Variants in ZNF728 observed in about 807,000 individuals in gnomAD.
The protein encoded by ZNF728 is zinc finger protein 728.
In ZNF728, 12 loss-of-function variants were observed where a neutral mutation model predicts 12.5. The ratio of observed to expected loss-of-function variants is 0.96; its 90% CI spans 0.61 to 1.55. The LOEUF is 1.55. Among genes scored for constraint, ZNF728 ranks in the 40% most tolerant of loss-of-function variants. The pLI is 0.00. For synonymous variants in ZNF728, 205 were observed against 240.7 expected (o/e 0.85, Z 1.37); for missense variants, 692 against 719.2 (o/e 0.96, Z 0.43).
intron 3 of ZNF728, among the ~76,000 whole-genome samples, chr19:22,979,820 G>A (rs975882047): frequency 6.6e-6 from 1 of 152,090 alleles, no homozygotes; most frequent in Non-Finnish European, 1.5e-5. Flanking sequence ...CTGAGATTTT[G>A]TCACCAGCAG....
At position 22,983,010 on chromosome 19, in the gene ZNF728, G is replaced by A. The variant is rs147573692; in HGVS notation, c.226+4298C>T. The stretch of plus-strand genomic sequence containing the variant: ...GGCAGCAAAAGCCAAATTGACAAAC[G>A]GGACCTAATTAAACTAAAGAGCTTC... On this transcript the variant is annotated intron_variant, in intron 3 of 3. Coordinates refer to ENST00000594710, the MANE Select transcript of ZNF728 (RefSeq NM_001267716.2). Among the ~76,000 whole-genome samples, 88 of 152,068 alleles carry A rather than the reference G, an allele frequency of 5.8e-4. 1 individual carries two copies. The highest frequency in any genetic ancestry group is 2.0e-3 in the African/African-American group (81 of 41,506).
chr19:22,981,746 T>A (rs552018907), intron 3 of ZNF728, among the ~76,000 whole-genome samples: 2 of 152,198 alleles, frequency 1.3e-5, no homozygotes, highest in South Asian at 4.2e-4. Context: ...ATAAACGTAA[T>A]CCATCACATA....
At position 22,976,595 on chromosome 19, in the gene ZNF728, C is replaced by A. The variant is rs144080172; in HGVS notation, c.742G>T (p.Val248Leu). 37 of 1,608,638 alleles carry A rather than the reference C, an allele frequency of 2.3e-5. No homozygotes were observed. In the East Asian group the frequency reaches 4.0e-4, roughly 18 times the overall value. ...SKFSILTKHK[V>L]IHTGEKHYKC... ...TAATGTTTCTCTCCAGTATGAATTA[C>A]CTTATGCTTAGTAAGGATTGAGAAC... Residue 248 changes from valine (V) to leucine (L), a missense_variant, in exon 4 of 4, where the codon GTA becomes TTA. Around this residue, in one of 3 missense-constraint regions of ZNF728, gnomAD observed 440 missense variants for 459.6 expected, o/e 0.96. Transcript: ENST00000594710.
chr19:22,978,710 G>A (rs1968831288), intron 3 of ZNF728, among the ~76,000 whole-genome samples: 2 of 152,280 alleles, frequency 1.3e-5, no homozygotes, highest in South Asian at 4.1e-4. Context: ...TGATACCCAG[G>A]AAAACAGGGT....
intron 3 of ZNF728, among the ~76,000 whole-genome samples, chr19:22,980,640 T>C (rs1041752517): frequency 1.3e-5 from 2 of 151,982 alleles, no homozygotes; most frequent in Non-Finnish European, 2.9e-5. Context: ...AGTAAAACAC[T>C]CCTCAGCAAA....
At chr19:22,988,276 AT>A (rs1968940630) in intron 2 of ZNF728, 48 bp downstream of exon 2, 1 of 1,612,366 alleles carries the variant, frequency 6.2e-7, no homozygotes, top group South Asian at 1.1e-5. Context: ...CCACAGCAAA[AT>A]GAAACCTATA....
chr19:22,997,202 A>G (rs1299354196), intron 1 of ZNF728, among the ~76,000 whole-genome samples: 1 of 152,162 alleles, frequency 6.6e-6, no homozygotes, highest in Non-Finnish European at 1.5e-5. Context: ...CATAATATAC[A>G]TTCTTCTCAT....
chr19:22,998,298 T>C (rs114994991), intron 1 of ZNF728, among the ~76,000 whole-genome samples: 2,290 of 137,998 alleles, frequency 0.017, 56 homozygotes, highest in African/African-American at 0.055. Flanking sequence ...GCCAGGTGGA[T>C]TGCCTGAGCT....
chr19:22,990,433 C>T lies in ZNF728; in HGVS notation c.4-1982G>A, dbSNP rs1042982029. Among the ~76,000 whole-genome samples, 3 of 152,174 alleles carry T rather than the reference C, an allele frequency of 2.0e-5. No individual in the cohort carries two copies. The South Asian group carries it at 6.2e-4, about 32-fold the overall frequency. ...AGGCAGAAGGACCAAGACAGAAAAA[C>T]TCCACCCAATTCTGTCCTTTATAGC... On this transcript the variant is annotated intron_variant, in intron 1 of 3. Coordinates refer to ENST00000594710, the MANE Select transcript of ZNF728 (RefSeq NM_001267716.2).
In ZNF728 at chr19:22,976,822, A is replaced by C. The variant is rs1968808865; in HGVS notation, c.515T>G (p.Leu172Arg). ...RHKIRHTGKKLLKCKEYVRSF... is the reference protein window; with the variant it reads ...RHKIRHTGKKRLKCKEYVRSF... ...TCTGACATATTCTTTACATTTCAAA[A>C]GTTTCTTTCCAGTATGCCTTATCTT... The change falls in exon 4 of 4, where the codon CTT becomes CGT. Residue 172 changes from leucine to arginine, a missense_variant. By Grantham distance (102) the Leu-to-Arg change is moderately radical. Around this residue, in one of 3 missense-constraint regions of ZNF728, gnomAD observed 440 missense variants for 459.6 expected, o/e 0.96. Transcript: ENST00000594710. 3 of 1,613,314 alleles carry C rather than the reference A, an allele frequency of 1.9e-6. No individual in the cohort carries two copies. The highest frequency in any genetic ancestry group is 2.5e-6 in the Non-Finnish European group (3 of 1,179,786).
At chr19:22,980,865 A>T (rs1968854129) in intron 3 of ZNF728, among the ~76,000 whole-genome samples, 1 of 152,186 alleles carries the variant, frequency 6.6e-6, no homozygotes, top group Non-Finnish European at 1.5e-5. Flanking sequence ...TCTGGGACAC[A>T]GACAAAGCAG....
Position 22,976,063 on chromosome 19 carries a change from T to C in ZNF728, c.1274A>G (p.Lys425Arg). 6.2e-7 allele frequency: 1 copy of C among 1,606,160 alleles called. No homozygotes were observed. The change falls in exon 4 of 4, where the codon AAA (lysine) becomes AGA (arginine). Residue 425 changes from lysine (K) to arginine (R), a missense_variant. Coordinates refer to ENST00000594710, the MANE Select transcript of ZNF728 (RefSeq NM_001267716.2). ...KIIHTGEKPYKCEECGKAFTT... is the reference protein window; with the variant it reads ...KIIHTGEKPYRCEECGKAFTT... The stretch of plus-strand genomic sequence containing the variant: ...AAAGGCTTTGCCACATTCTTCACAT[T>C]TGTAGGGTTTCTCTCCAGTATGAAT...
At chr19:22,984,985 A>G (rs1341339248) in intron 3 of ZNF728, among the ~76,000 whole-genome samples, 1 of 152,176 alleles carries the variant, frequency 6.6e-6, no homozygotes, top group Non-Finnish European at 1.5e-5. Flanking sequence ...TTTAACATGT[A>G]TGGTCATATG....
intron 2 of ZNF728, 142 bp downstream of exon 2, chr19:22,988,183 G>GC (rs1968939330): frequency 6.9e-7 from 1 of 1,453,422 alleles, no homozygotes; most frequent in Admixed American, 2.3e-5. Context: ...GAAGCAAAGA[G>GC]CCCCCTGGTG....
intron 2 of ZNF728, 149 bp downstream of exon 2, chr19:22,988,176 G>T: frequency 7.1e-7 from 1 of 1,416,408 alleles, no homozygotes; most frequent in Non-Finnish European, 9.5e-7. Context: ...TTCACTAGAA[G>T]CAAAGAGCCC....
At chr19:22,992,157 G>GTA (rs1447478751) in intron 1 of ZNF728, among the ~76,000 whole-genome samples, 1 of 152,144 alleles carries the variant, frequency 6.6e-6, no homozygotes, top group African/African-American at 2.4e-5. Flanking sequence ...ACCATATGAT[G>GTA]TATAATTCAA....
At chr19:23,001,125 G>C (rs1229261665) in intron 1 of ZNF728, among the ~76,000 whole-genome samples, 1 of 152,146 alleles carries the variant, frequency 6.6e-6, no homozygotes, top group Non-Finnish European at 1.5e-5. Flanking sequence ...ACTGGGGTCA[G>C]TTGTTTTTGT....
chr19:22,975,463 A>G lies in ZNF728; in HGVS notation c.*5T>C, dbSNP rs1467705980. 1.3e-6 allele frequency: 2 copies of G among 1,536,200 alleles called. No individual in the cohort carries two copies. The highest frequency in any genetic ancestry group is 1.3e-5 in the South Asian group (1 of 78,886). ...AAGAACTAATTGAAAGCTTTGCCAC[A>G]TTTTTCACATTTGTAGGGTTTTTCC... On this transcript the variant is annotated 3_prime_UTR_variant, in exon 4 of 4. Transcript: ENST00000594710.
rs1968942621 is a variant in ZNF728, at chr19:22,988,395, G to A, written c.60C>T (p.Cys20=). The change falls in exon 2 of 4, where the codon TGC becomes TGT. Residue 20 remains cysteine, a synonymous_variant. Coordinates refer to ENST00000594710, the MANE Select transcript of ZNF728 (RefSeq NM_001267716.2). ...ATAAATTCTGCTGTGCAGTGTCCAG[G>A]CATTGCCACTCCTCCAGAGAGAATT... ...AIQFSLEEWQ[C]LDTAQQNLYR... 1 of 1,614,042 alleles carries A rather than the reference G, an allele frequency of 6.2e-7. No individual in the cohort carries two copies. The highest frequency in any genetic ancestry group is 8.5e-7 in the Non-Finnish European group (1 of 1,179,996).
Sources: allele counts gnomAD v4.1 joint callset (sites outside exome capture counted in the v4.1 genomes callset), GRCh38; gene constraint gnomAD v4.1.1; regional missense constraint gnomAD v4.1.1; transcripts MANE v1.5; gene names NCBI Gene and HGNC (gene_info 2026-07-23, HGNC 2026-07-21).